Variants in ITPR1 observed in about 807,000 individuals in gnomAD.
ITPR1 encodes the protein inositol 1,4,5-trisphosphate-gated calcium channel ITPR1.
A neutral mutation model predicts 318.4 loss-of-function variants in ITPR1; 96 were observed. The observed-to-expected ratio is 0.30, with a 90% CI of 0.26 to 0.36. The LOEUF (loss-of-function observed/expected upper bound fraction) is 0.36, where lower values mean the gene tolerates loss of function less well. Ranked by LOEUF, ITPR1 falls within the 10% of genes least tolerant of loss-of-function variation. The pLI is 1.00. For missense variants in ITPR1, 2,440 were observed against 3,460.2 expected, an observed-to-expected ratio of 0.71 and a Z score of 7.40; for synonymous variants, 1,312 against 1,289.9, an observed-to-expected ratio of 1.02 and a Z score of -0.37.
chr3:4,513,630 C>A (rs1467943816), intron 2 of ITPR1, among the ~76,000 whole-genome samples: 1 of 152,016 alleles, frequency 6.6e-6, no homozygotes, highest in East Asian at 1.9e-4. Context: ...AATTTTTTTT[C>A]TGACTTATGG....
intron 44 of ITPR1, among the ~76,000 whole-genome samples, chr3:4,756,178 G>C (rs901284428): frequency 1.3e-5 from 2 of 152,158 alleles, no homozygotes; most frequent in African/African-American, 4.8e-5. Flanking sequence ...ATGTGGAAAG[G>C]CTGGGGATTA....
chr3:4,499,011 A>G (rs931879833), intron 2 of ITPR1, among the ~76,000 whole-genome samples: 4 of 152,262 alleles, frequency 2.6e-5, no homozygotes, highest in Admixed American at 1.3e-4. Flanking sequence ...TAAGATATAC[A>G]TATTCATGTA....
intron 60 of ITPR1, among the ~76,000 whole-genome samples, chr3:4,827,505 G>A (rs2050155222): frequency 6.6e-6 from 1 of 152,158 alleles, no homozygotes; most frequent in Non-Finnish European, 1.5e-5. Flanking sequence ...GTGAGAATGA[G>A]GAAAAGAGGT....
At chr3:4,730,236 A>C (rs1295259068) in intron 42 of ITPR1, among the ~76,000 whole-genome samples, 1 of 150,314 alleles carries the variant, frequency 6.7e-6, no homozygotes, top group Non-Finnish European at 1.5e-5. Flanking sequence ...AAAAACAAAA[A>C]AAAACCTTGC....
intron 4 of ITPR1, among the ~76,000 whole-genome samples, chr3:4,610,964 C>CCCCTT (rs2092051982): frequency 1.4e-5 from 1 of 73,896 alleles, no homozygotes; most frequent in Admixed American, 1.3e-4. Context: ...CCTTCCCCTT[C>CCCCTT]CCCCTTCCCC....
intron 40 of ITPR1, among the ~76,000 whole-genome samples, chr3:4,721,172 GTATATA>G (rs5846332): frequency 0.013 from 1,652 of 125,038 alleles, 103 homozygotes; most frequent in African/African-American, 0.042. Context: ...GTGTGTGCGT[GTATATA>G]TATATATATA....
intron 4 of ITPR1, among the ~76,000 whole-genome samples, chr3:4,564,820 T>G (rs2087050394): frequency 6.6e-6 from 1 of 152,176 alleles, no homozygotes; most frequent in Non-Finnish European, 1.5e-5. Flanking sequence ...TCTGAGCGAC[T>G]GAGGGTTAGG....
intron 4 of ITPR1, among the ~76,000 whole-genome samples, chr3:4,557,947 C>T (rs2086296319): frequency 6.6e-6 from 1 of 152,172 alleles, no homozygotes; most frequent in Non-Finnish European, 1.5e-5. Flanking sequence ...AGTTTTATTA[C>T]ATCCACATAA....
At chr3:4,838,931 G>A (rs949919731) in intron 61 of ITPR1, among the ~76,000 whole-genome samples, 9 of 152,198 alleles carry the variant, frequency 5.9e-5, no homozygotes, top group African/African-American at 2.2e-4. Context: ...CTGTTATTTT[G>A]AATTGTTCAC....
chr3:4,652,100 A>C, intron 10 of ITPR1, 23 bp from the exon 11 acceptor site: 3 of 1,566,724 alleles, frequency 1.9e-6, no homozygotes, highest in Non-Finnish European at 2.6e-6. Flanking sequence ...CATTTCATTG[A>C]CTCCTGTTGA....
At chr3:4,806,335 C>T (rs2048551026) in intron 55 of ITPR1, 68 bp downstream of exon 55, 3 of 1,405,094 alleles carry the variant, frequency 2.1e-6, no homozygotes, top group African/African-American at 2.8e-5. Flanking sequence ...TCCTCTCTCT[C>T]ATCACAGACC....
chr3:4,570,107 T>C (rs1027364085), intron 4 of ITPR1, among the ~76,000 whole-genome samples: 4 of 152,280 alleles, frequency 2.6e-5, no homozygotes, highest in African/African-American at 7.2e-5. Context: ...AGAAAACAAA[T>C]ATAGTTGCCG....
chr3:4,534,115 T>C (rs974318147), intron 4 of ITPR1, among the ~76,000 whole-genome samples: 1 of 152,214 alleles, frequency 6.6e-6, no homozygotes, highest in African/African-American at 2.4e-5. Context: ...AGGCTACTTC[T>C]TTTTCTCTTT....
intron 4 of ITPR1, among the ~76,000 whole-genome samples, chr3:4,521,468 C>T (rs561453748): frequency 3.3e-4 from 50 of 152,226 alleles, no homozygotes; most frequent in African/African-American, 1.0e-3. Context: ...TTCTTAGATA[C>T]CTTCTTTAAG....
chr3:4,830,242 C>G (rs2050385546), intron 60 of ITPR1, among the ~76,000 whole-genome samples: 1 of 152,000 alleles, frequency 6.6e-6, no homozygotes, highest in Non-Finnish European at 1.5e-5. Context: ...TCCCAAAGCG[C>G]TGGGATTACA....
intron 4 of ITPR1, among the ~76,000 whole-genome samples, chr3:4,544,700 C>G (rs2084796343): frequency 6.6e-6 from 1 of 152,212 alleles, no homozygotes; most frequent in South Asian, 2.1e-4. Context: ...AATGCATAGT[C>G]TGAGATTTTC....
At chr3:4,604,981 T>TG (rs563213242) in intron 4 of ITPR1, among the ~76,000 whole-genome samples, 1 of 151,928 alleles carries the variant, frequency 6.6e-6, no homozygotes, top group East Asian at 1.9e-4. Flanking sequence ...TATTTTTTTT[T>TG]GGGTGGGGGG....
intron 4 of ITPR1, among the ~76,000 whole-genome samples, chr3:4,620,632 G>T (rs2092590250): frequency 6.7e-6 from 1 of 149,274 alleles, no homozygotes; most frequent in Non-Finnish European, 1.5e-5. Flanking sequence ...ATTGATTTGG[G>T]TTTTGTAGAA....
chr3:4,528,313 T>A (rs887362900), intron 4 of ITPR1, among the ~76,000 whole-genome samples: 7 of 152,308 alleles, frequency 4.6e-5, no homozygotes, highest in African/African-American at 1.7e-4. Context: ...TTCTTTGGGA[T>A]TACAGGTCTC....
Sources: gnomAD v4.1 joint callset for allele counts (sites outside exome capture counted in the v4.1 genomes callset) on GRCh38, gnomAD v4.1.1 for gene constraint, MANE v1.5 for transcripts, NCBI Gene and HGNC (gene_info 2026-07-23, HGNC 2026-07-21) for gene names.